LACTBL1: variants seen among roughly 807,000 people sequenced by gnomAD.
LACTBL1 encodes the protein beta-lactamase-like protein 1.
LACTBL1 carries 29 observed loss-of-function variants against 39.6 expected under a neutral mutation model. That is an observed-to-expected ratio of 0.73 (90% CI 0.55 to 1.00). The LOEUF (loss-of-function observed/expected upper bound fraction) is 1.00, where lower values mean the gene tolerates loss of function less well. Ranked by LOEUF, LACTBL1 falls within the 50% of genes least tolerant of loss-of-function variation. The pLI, the probability that LACTBL1 is intolerant of heterozygous loss-of-function variation, is 0.00. For synonymous variants in LACTBL1, 361 were observed against 360.7 expected (o/e 1.00, Z -0.01); for missense variants, 711 against 748.5 (o/e 0.95, Z 0.59).
In LACTBL1 at chr1:22,955,491, G is replaced by A. The variant is rs1415651854; in HGVS notation, c.554-65C>T. ...AGGGTGGGATGGTGGGCCCCTGGGTGCACTCCCTCCCCACCTTCCGTGAGT... is the reference window on the plus strand; with the variant it reads ...AGGGTGGGATGGTGGGCCCCTGGGTACACTCCCTCCCCACCTTCCGTGAGT... On this transcript the variant is annotated intron_variant, in intron 4 of 5. Transcript: ENST00000426928. The A allele has an allele frequency of 2.9e-6, 3 of 1,032,460 alleles. No homozygotes were observed. In the African/African-American group the frequency reaches 4.7e-5, roughly 16 times the overall value. 64.0% of individuals were successfully genotyped at this position (1,032,460 alleles called of 1,614,324 possible). A position where few individuals can be genotyped will look rare whatever the true frequency, so the allele number is the denominator to read the frequency against.
Position 22,955,318 on chromosome 1 carries a change from C to T in LACTBL1, c.659+3G>A, listed in dbSNP as rs546339841. On this transcript the variant is annotated splice_donor_region_variant and intron_variant, in intron 5 of 5. Coordinates refer to ENST00000426928, the Ensembl canonical transcript of LACTBL1. ...AGGCTGGGCATCAGGGTATGCTCCT[C>T]ACCTGGTTCCCGGGTCCACTACCAG... is the stretch of plus-strand genomic sequence containing the variant. The T allele has an allele frequency of 6.2e-4, 957 of 1,549,824 alleles. 1 individual carries two copies. Among genetic ancestry groups the T allele is most frequent in the Non-Finnish European group, 7.7e-4 (887 of 1,146,322 alleles).
exon 3 of LACTBL1, chr1:22,959,980 G>T (rs1226452198): frequency 1.3e-6 from 2 of 1,551,026 alleles, no homozygotes; most frequent in African/African-American, 1.4e-5. Flanking sequence ...CAGAAGCCGG[G>T]TCTGAGCCAT....
chr1:22,958,757 C>T (rs1249868717), exon 4 of LACTBL1: 19 of 1,550,532 alleles, frequency 1.2e-5, no homozygotes, highest in Non-Finnish European at 1.3e-5. Flanking sequence ...TGCTCCAGCC[C>T]GTCCATCAGG....
intron 5 of LACTBL1, among the ~76,000 whole-genome samples, chr1:22,955,024 T>C (rs775351192): frequency 2.0e-5 from 3 of 152,172 alleles, no homozygotes; most frequent in Non-Finnish European, 4.4e-5. Flanking sequence ...CTCACAAGAG[T>C]GCAAACTCCA....
At chr1:22,967,575 C>A (rs1640894349), upstream of LACTBL1, among the ~76,000 whole-genome samples, 3 of 151,644 alleles carry the variant, frequency 2.0e-5, no homozygotes. Context: ...TATACACACA[C>A]ACACACACAC....
At chr1:22,953,957 C>T (rs1640737575) in exon 6 of LACTBL1, 2 of 1,549,720 alleles carry the variant, frequency 1.3e-6, no homozygotes, top group Admixed American at 2.0e-5. Context: ...CGCTGGTAGT[C>T]GCCCTGGGCG....
At chr1:22,970,619 G>A in the LACTBL1 span, among the ~76,000 whole-genome samples, 3 of 152,092 alleles carry the variant, frequency 2.0e-5, no homozygotes, top group African/African-American at 7.2e-5. Flanking sequence ...ACCAGGCTGG[G>A]CAACATAGCA....
chr1:22,953,602 C>A (rs1272127250), exon 6 of LACTBL1: 3 of 1,259,682 alleles, frequency 2.4e-6, no homozygotes, highest in African/African-American at 3.1e-5. Flanking sequence ...GCCGTCCTTG[C>A]GCACCACGCG....
intron 4 of LACTBL1, among the ~76,000 whole-genome samples, chr1:22,957,398 A>G (rs1049845415): frequency 9.2e-5 from 14 of 152,180 alleles, no homozygotes; most frequent in African/African-American, 3.4e-4. Flanking sequence ...GAAATTGCTG[A>G]GTCAAGGGGG....
At chr1:22,967,311 G>C (rs112993989), upstream of LACTBL1, among the ~76,000 whole-genome samples, 38 of 152,260 alleles carry the variant, frequency 2.5e-4, 1 homozygote, top group African/African-American at 9.1e-4. Flanking sequence ...GGAGGTTGCT[G>C]TGAGCCAAGA....
upstream of LACTBL1, among the ~76,000 whole-genome samples, chr1:22,968,861 C>A (rs1416758172): frequency 1.3e-5 from 2 of 152,154 alleles, no homozygotes; most frequent in Non-Finnish European, 2.9e-5. Flanking sequence ...ACATTGTAAG[C>A]CCTGTTAGCT....
intron 3 of LACTBL1, among the ~76,000 whole-genome samples, chr1:22,959,727 G>A (rs1640799990): frequency 6.6e-6 from 1 of 152,192 alleles, no homozygotes; most frequent in Admixed American, 6.5e-5. Context: ...ATTCCTTCCT[G>A]ACCTTTTACC....
At chr1:22,971,511 C>T in the LACTBL1 span, among the ~76,000 whole-genome samples, 1 of 152,188 alleles carries the variant, frequency 6.6e-6, no homozygotes, top group Non-Finnish European at 1.5e-5. Flanking sequence ...CCACCACCCC[C>T]CAACCCCTGC....
exon 6 of LACTBL1, chr1:22,953,990 C>A (rs771388518): frequency 1.4e-4 from 214 of 1,544,168 alleles, no homozygotes; most frequent in Non-Finnish European, 1.7e-4. Context: ...AGGACGTGGG[C>A]CAGGAGCGAG....
chr1:22,956,389 G>C (rs892485046), intron 4 of LACTBL1, among the ~76,000 whole-genome samples: 3 of 152,038 alleles, frequency 2.0e-5, no homozygotes, highest in Admixed American at 6.6e-5. Context: ...GAAGGAGAAG[G>C]AGAAAGAGGA....
chr1:22,955,865 C>G (rs1446423685), intron 4 of LACTBL1, among the ~76,000 whole-genome samples: 2 of 151,944 alleles, frequency 1.3e-5, no homozygotes, highest in Non-Finnish European at 2.9e-5. Flanking sequence ...AGTTCAAGAC[C>G]ACGCTGGCCA....
At chr1:22,964,571 T>G (rs899050870) in intron 1 of LACTBL1, among the ~76,000 whole-genome samples, 2 of 152,200 alleles carry the variant, frequency 1.3e-5, no homozygotes, top group Non-Finnish European at 2.9e-5. Context: ...CTGAAGCCAG[T>G]AGGCTTTGGG....
chr1:22,960,255 T>C (rs953611841), intron 2 of LACTBL1, among the ~76,000 whole-genome samples, 156 bp from the exon 5 acceptor site: 1 of 152,210 alleles, frequency 6.6e-6, no homozygotes, highest in South Asian at 2.1e-4. Context: ...ACTGTTGGGC[T>C]TCTTCATAAG....
At chr1:22,953,876 G>A in exon 6 of LACTBL1, 4 of 1,549,076 alleles carry the variant, frequency 2.6e-6, no homozygotes, top group South Asian at 1.2e-5. Flanking sequence ...AGGCGCGCGC[G>A]CACGTCGGGC....
Sources: allele counts gnomAD v4.1 joint callset (sites outside exome capture counted in the v4.1 genomes callset), GRCh38; gene constraint gnomAD v4.1.1; transcripts MANE v1.5; gene names NCBI Gene and HGNC (gene_info 2026-07-23, HGNC 2026-07-21).